The following ZNF385D variants were observed in gnomAD, a reference collection of about 807,000 sequenced individuals.
The protein encoded by ZNF385D is zinc finger protein 659.
A neutral mutation model predicts 35.8 loss-of-function variants in ZNF385D; 15 were observed. The observed-to-expected ratio is 0.42, with a 90% CI of 0.28 to 0.64. The LOEUF is 0.64. ZNF385D is among the 30% of genes least tolerant of loss of function. The probability of loss-of-function intolerance (pLI) is 0.23; values close to 1 mark genes in which losing one functional copy is unlikely to be tolerated. For synonymous variants in ZNF385D, 212 were observed against 186.8 expected (o/e 1.13, Z -1.10); for missense variants, 474 against 494.6 (o/e 0.96, Z 0.39).
At chr3:21,803,418 G>C (rs1319458944) in intron 3 of ZNF385D, among the ~76,000 whole-genome samples, 1 of 152,044 alleles carries the variant, frequency 6.6e-6, no homozygotes, top group African/African-American at 2.4e-5. Flanking sequence ...CTTCTGTATA[G>C]GAGTCATTGA....
intron 3 of ZNF385D, among the ~76,000 whole-genome samples, chr3:22,119,279 G>A (rs554123603): frequency 2.0e-5 from 3 of 152,080 alleles, no homozygotes. Flanking sequence ...TATAAAATTA[G>A]TCAAAAGAAA....
At chr3:22,002,489 C>G (rs567079438) in intron 3 of ZNF385D, among the ~76,000 whole-genome samples, 1 of 152,242 alleles carries the variant, frequency 6.6e-6, no homozygotes, top group African/African-American at 2.4e-5. Context: ...CCACTGAACT[C>G]TACCAAACTG....
chr3:21,545,583 A>T (rs1310977564), intron 3 of ZNF385D, among the ~76,000 whole-genome samples: 1 of 152,222 alleles, frequency 6.6e-6, no homozygotes, highest in Non-Finnish European at 1.5e-5. Context: ...TTCTTATGGC[A>T]ATATAGTTGT....
At chr3:21,755,851 G>T (rs533927305), upstream of ZNF385D, among the ~76,000 whole-genome samples, 1 of 152,284 alleles carries the variant, frequency 6.6e-6, no homozygotes, top group South Asian at 2.1e-4. Flanking sequence ...GCTGGATGAA[G>T]AACGCTGCAG....
intron 3 of ZNF385D, among the ~76,000 whole-genome samples, chr3:21,529,060 C>T (rs905234665): frequency 6.6e-5 from 10 of 151,980 alleles, no homozygotes; most frequent in African/African-American, 2.4e-4. Context: ...TCACTTTTTC[C>T]ATTTTTTTTG....
intron 3 of ZNF385D, among the ~76,000 whole-genome samples, chr3:21,561,239 C>T (rs1298661359): frequency 6.6e-6 from 1 of 152,190 alleles, no homozygotes; most frequent in Non-Finnish European, 1.5e-5. Flanking sequence ...CAAACAGCCA[C>T]CCAGTTTTGT....
At chr3:21,581,299 CTATCTCTCCCTCCAAATGCAAT>C (rs2063654910) in intron 2 of ZNF385D, among the ~76,000 whole-genome samples, 2 of 152,078 alleles carry the variant, frequency 1.3e-5, no homozygotes, top group Non-Finnish European at 2.9e-5. Flanking sequence ...TGTATAATTC[CTATCTCTCCCTCCAAATGCAAT>C]TGTTTCCAGC....
intron 1 of ZNF385D, among the ~76,000 whole-genome samples, chr3:21,669,977 C>T (rs2066513717): frequency 6.6e-6 from 1 of 152,048 alleles, no homozygotes; most frequent in South Asian, 2.1e-4. Context: ...CAGCATTCGT[C>T]AGTCACAGAC....
At chr3:22,288,496 C>T (rs1702139328) in intron 2 of ZNF385D, among the ~76,000 whole-genome samples, 2 of 151,864 alleles carry the variant, frequency 1.3e-5, no homozygotes, top group African/African-American at 4.8e-5. Context: ...TCACTGATGC[C>T]TTTTTTGCTT....
intron 3 of ZNF385D, among the ~76,000 whole-genome samples, chr3:22,113,756 C>A (rs557142471): frequency 2.0e-4 from 30 of 151,944 alleles, no homozygotes; most frequent in Non-Finnish European, 4.4e-4. Flanking sequence ...GAGGCCAAGG[C>A]GGGTGAATCA....
intron 2 of ZNF385D, among the ~76,000 whole-genome samples, chr3:21,566,938 T>TATCA (rs2063169388): frequency 6.6e-6 from 1 of 152,208 alleles, no homozygotes; most frequent in African/African-American, 2.4e-5. Context: ...ACATAAATGT[T>TATCA]ATCATAGAGT....
At chr3:22,362,997 A>G (rs984255794) in intron 2 of ZNF385D, among the ~76,000 whole-genome samples, 1 of 152,192 alleles carries the variant, frequency 6.6e-6, no homozygotes, top group African/African-American at 2.4e-5. Context: ...CTGATGTTCT[A>G]CGAGATCAGC....
At chr3:22,278,082 G>T (rs1701524377) in intron 2 of ZNF385D, among the ~76,000 whole-genome samples, 3 of 152,008 alleles carry the variant, frequency 2.0e-5, no homozygotes, top group Admixed American at 2.0e-4. Context: ...CTGCTTTAAT[G>T]ACATTTTCTA....
intron 3 of ZNF385D, among the ~76,000 whole-genome samples, chr3:22,016,624 A>G (rs1323388709): frequency 6.6e-6 from 1 of 151,986 alleles, no homozygotes; most frequent in Non-Finnish European, 1.5e-5. Flanking sequence ...CCTGCCTAGA[A>G]CAAAAGTTTG....
chr3:22,329,507 T>A (rs1050354727), intron 2 of ZNF385D, among the ~76,000 whole-genome samples: 2 of 151,406 alleles, frequency 1.3e-5, no homozygotes, highest in African/African-American at 2.5e-5. Context: ...ACTTACTTTA[T>A]TTATCTTAAA....
At chr3:21,681,055 T>C (rs148644807) in intron 1 of ZNF385D, among the ~76,000 whole-genome samples, 2,084 of 152,142 alleles carry the variant, frequency 0.014, 30 homozygotes, top group Non-Finnish European at 0.019. Context: ...CATTTACATT[T>C]AGCTAGTCTG....
intron 2 of ZNF385D, among the ~76,000 whole-genome samples, chr3:22,355,088 G>C (rs1696089219): frequency 6.6e-6 from 1 of 152,004 alleles, no homozygotes; most frequent in South Asian, 2.1e-4. Flanking sequence ...GATATAGTAA[G>C]TGTATTTCAA....
chr3:22,371,043 T>TA (rs1229892646), intron 2 of ZNF385D, among the ~76,000 whole-genome samples: 6 of 152,268 alleles, frequency 3.9e-5, no homozygotes, highest in Non-Finnish European at 5.9e-5. Context: ...AGTTAATTTC[T>TA]AAAAAACATC....
At chr3:21,583,959 C>CTTATTTACTTATTTAT in intron 2 of ZNF385D, among the ~76,000 whole-genome samples, 1 of 138,306 alleles carries the variant, frequency 7.2e-6, no homozygotes, top group African/African-American at 2.8e-5. Context: ...TACTTATTTA[C>CTTATTTACTTATTTAT]TTATTTATTT....
Sources: gnomAD v4.1 joint callset for allele counts (sites outside exome capture counted in the v4.1 genomes callset) on GRCh38, gnomAD v4.1.1 for gene constraint, MANE v1.5 for transcripts, NCBI Gene and HGNC (gene_info 2026-07-23, HGNC 2026-07-21) for gene names.